The following PRSS23 variants were observed in gnomAD, a reference collection of about 807,000 sequenced individuals.
PRSS23 encodes the protein serine protease 23, also known as protease, serine 23.
Under a neutral mutation model 34.7 loss-of-function variants are expected in PRSS23, and 25 were observed. The observed-to-expected ratio is 0.72, with a 90% confidence interval of 0.53 to 1.01. The LOEUF is 1.01. Among genes scored for constraint, PRSS23 ranks in the 50% least tolerant of loss-of-function variants. The pLI is 0.00. For synonymous variants in PRSS23, 176 were observed against 186.6 expected, an observed-to-expected ratio of 0.94 and a Z score of 0.46; for missense variants, 445 against 475.6, an observed-to-expected ratio of 0.94 and a Z score of 0.60.
chr11:86,843,001 C>T (rs532572149), intron 2 of PRSS23, among the ~76,000 whole-genome samples: 8 of 152,244 alleles, frequency 5.3e-5, no homozygotes, highest in South Asian at 2.1e-4. Context: ...GGAGGCAGCA[C>T]GCTACCTAAC....
intron 2 of PRSS23, among the ~76,000 whole-genome samples, chr11:86,838,005 G>A (rs563448125): frequency 3.0e-4 from 46 of 152,152 alleles, no homozygotes; most frequent in African/African-American, 1.1e-3. Flanking sequence ...AAGTGCAAGG[G>A]GTCAGCAGAT....
chr11:86,842,742 C>T (rs978513721), intron 2 of PRSS23, among the ~76,000 whole-genome samples: 1 of 152,186 alleles, frequency 6.6e-6, no homozygotes, highest in African/African-American at 2.4e-5. Context: ...TCAAGGAGAA[C>T]AACAAATCAC....
At chr11:86,932,162 G>T (rs1274354301) in intron 2 of PRSS23, among the ~76,000 whole-genome samples, 1 of 152,098 alleles carries the variant, frequency 6.6e-6, no homozygotes, top group Non-Finnish European at 1.5e-5. Context: ...TCACAGTTTG[G>T]CAGGAAGTGG....
chr11:86,939,423 T>TTTTTTTTTTTTTTAAAAA (rs1565392807), intron 2 of PRSS23, among the ~76,000 whole-genome samples: 1 of 100,430 alleles, frequency 1.0e-5, no homozygotes, highest in Non-Finnish European at 2.2e-5. Flanking sequence ...TATATATATA[T>TTTTTTTTTTTTTTAAAAA]ATATTTTTTA....
At chr11:86,919,853 C>T (rs1275143383) in intron 2 of PRSS23, among the ~76,000 whole-genome samples, 4 of 152,128 alleles carry the variant, frequency 2.6e-5, no homozygotes, top group Admixed American at 2.0e-4. Flanking sequence ...TTGCCTGTTC[C>T]CCTGCCTGGC....
chr11:86,825,962 G>A (rs534806715), intron 2 of PRSS23, among the ~76,000 whole-genome samples: 19 of 152,280 alleles, frequency 1.2e-4, no homozygotes, highest in Middle Eastern at 6.8e-3. Flanking sequence ...TTGGCAATGC[G>A]GGATCTTTTT....
At chr11:86,828,179 T>C (rs1413432849) in intron 2 of PRSS23, among the ~76,000 whole-genome samples, 2 of 152,252 alleles carry the variant, frequency 1.3e-5, no homozygotes, top group Non-Finnish European at 2.9e-5. Context: ...TGGGTGCTCC[T>C]GTATTGGGTG....
intron 2 of PRSS23, among the ~76,000 whole-genome samples, chr11:86,860,535 G>C (rs114996020): frequency 2.6e-5 from 4 of 151,032 alleles, no homozygotes; most frequent in Admixed American, 2.6e-4. Flanking sequence ...GATATTGTTC[G>C]TAATATCCAG....
chr11:86,801,446 C>T (rs1342705901), intron 1 of PRSS23, among the ~76,000 whole-genome samples: 1 of 152,216 alleles, frequency 6.6e-6, no homozygotes, highest in African/African-American at 2.4e-5. Context: ...GTTTGTTTTA[C>T]TGCCCACTGG....
Position 86,952,429 on chromosome 11 carries a change from C to G in PRSS23, c.*1144C>G, listed in dbSNP as rs1231135707. 6.2e-7 allele frequency: 1 copy of G among 1,613,934 alleles called. No homozygotes were observed. Among genetic ancestry groups the G allele is most frequent in the Admixed American group, 1.7e-5 (1 of 60,014 alleles). Reference sequence around the variant, plus strand: ...CGCATGGGCCAATGGGGATGTTGATCTTCTCTGTGCACATTGGCACATAAA... The same window carrying G: ...CGCATGGGCCAATGGGGATGTTGATGTTCTCTGTGCACATTGGCACATAAA... On this transcript the variant is annotated 3_prime_UTR_variant, in exon 3 of 3. Coordinates refer to the PRSS23 transcript ENST00000533902.
chr11:86,826,527 A>T (rs1232013519), intron 2 of PRSS23, among the ~76,000 whole-genome samples: 1 of 152,142 alleles, frequency 6.6e-6, no homozygotes, highest in Non-Finnish European at 1.5e-5. Context: ...TTCCAACACT[A>T]TGTTGAATAG....
At chr11:86,821,121 C>T (rs1948248808) in intron 1 of PRSS23, 1 of 544,870 alleles carries the variant, frequency 1.8e-6, no homozygotes, top group South Asian at 2.6e-5. Context: ...GTGATCTGTA[C>T]ATTTTTCCAT....
chr11:86,867,561 G>A (rs1044265506), intron 2 of PRSS23, among the ~76,000 whole-genome samples: 6 of 152,114 alleles, frequency 3.9e-5, no homozygotes, highest in Non-Finnish European at 8.8e-5. Context: ...CTCCTTCTGA[G>A]ACCCTAGTAT....
downstream of PRSS23, among the ~76,000 whole-genome samples, chr11:86,811,818 C>T (rs535339401): frequency 6.6e-6 from 1 of 152,184 alleles, no homozygotes; most frequent in South Asian, 2.1e-4. Context: ...AATGACTAAG[C>T]CTGCCCTGGA....
intron 2 of PRSS23, among the ~76,000 whole-genome samples, chr11:86,928,921 A>G (rs79706365): frequency 0.034 from 5,210 of 152,042 alleles, 112 homozygotes; most frequent in South Asian, 0.087. Flanking sequence ...CAGATCTCCA[A>G]ATGTCCAAAT....
At chr11:86,888,598 G>T (rs979211721) in intron 2 of PRSS23, among the ~76,000 whole-genome samples, 3 of 152,206 alleles carry the variant, frequency 2.0e-5, no homozygotes, top group African/African-American at 7.2e-5. Flanking sequence ...CAGATGTTTT[G>T]CTGTATTCTG....
At chr11:86,924,980 G>A (rs536654099) in intron 2 of PRSS23, 2 of 152,272 alleles carry the variant, frequency 1.3e-5, no homozygotes, top group African/African-American at 4.8e-5. Flanking sequence ...ACTCACCGAG[G>A]GGAGTTGACC....
intron 1 of PRSS23, among the ~76,000 whole-genome samples, chr11:86,792,388 A>G (rs898334627): frequency 1.3e-5 from 2 of 152,174 alleles, no homozygotes; most frequent in Non-Finnish European, 1.5e-5. Context: ...TCCTGCCCAG[A>G]TGAGTGATGG....
upstream of PRSS23, among the ~76,000 whole-genome samples, chr11:86,799,271 A>G (rs1396283614): frequency 6.6e-6 from 1 of 152,204 alleles, no homozygotes; most frequent in Non-Finnish European, 1.5e-5. Context: ...AAAAGACCAC[A>G]CAATAATGTG....
Sources: allele counts gnomAD v4.1 joint callset (sites outside exome capture counted in the v4.1 genomes callset), GRCh38; gene constraint gnomAD v4.1.1; transcripts MANE v1.5; gene names NCBI Gene and HGNC (gene_info 2026-07-23, HGNC 2026-07-21).